FAM168B: variants seen among roughly 807,000 people sequenced by gnomAD.
The protein encoded by FAM168B is family with sequence similarity 168 member B.
Under a neutral mutation model 21.8 loss-of-function variants are expected in FAM168B, and 19 were observed. That is an observed-to-expected ratio of 0.87 (90% confidence interval 0.61 to 1.28). The LOEUF (loss-of-function observed/expected upper bound fraction) is 1.28, where lower values mean the gene tolerates loss of function less well. Ranked by LOEUF, FAM168B falls within the 50% of genes most tolerant of loss-of-function variation. The pLI is 0.00. For synonymous variants in FAM168B, 126 were observed against 104.8 expected, an observed-to-expected ratio of 1.20 and a Z score of -1.24; for missense variants, 233 against 263.1, an observed-to-expected ratio of 0.89 and a Z score of 0.79.
At chr2:131,070,786 A>G (rs190655069) in intron 3 of FAM168B, among the ~76,000 whole-genome samples, 1 of 152,352 alleles carries the variant, frequency 6.6e-6, no homozygotes, top group African/African-American at 2.4e-5. Flanking sequence ...GGCAAAACAC[A>G]AAAGGAAAAC....
rs1691427949 is a variant in FAM168B at position 131,048,415 on chromosome 2, G to A, written c.*4050C>T. 1.6e-6 allele frequency: 2 copies of A among 1,244,748 alleles called. No individual in the cohort carries two copies. Among genetic ancestry groups the A allele is most frequent in the Non-Finnish European group, 2.1e-6 (2 of 954,210 alleles). 77.1% of individuals were successfully genotyped at this position (1,244,748 alleles called of 1,614,324 possible). ...CACCCTTCTGCAGGCCCGGGGGGGGGTCCCTACACAGACGCCGCTCATCCT... is the reference window on the plus strand; with the variant it reads ...CACCCTTCTGCAGGCCCGGGGGGGGATCCCTACACAGACGCCGCTCATCCT... On this transcript the variant is annotated 3_prime_UTR_variant, in exon 7 of 7. Coordinates refer to ENST00000389915, the MANE Select transcript of FAM168B (RefSeq NM_001009993.4).
In FAM168B at chr2:131,053,029, C is replaced by G. The variant is rs373493888; in HGVS notation, c.476-14G>C. ...TCAGCAGGGTACCTGGAAGAAAGAG[C>G]AGCACATGACATGAGGCTGACCTCC... On this transcript the variant is annotated splice_polypyrimidine_tract_variant and intron_variant, in intron 5 of 6. Coordinates refer to ENST00000389915, the MANE Select transcript of FAM168B (RefSeq NM_001009993.4). 6.5e-7 allele frequency: 1 copy of G among 1,544,554 alleles called. No individual in the cohort carries two copies. The highest frequency in any genetic ancestry group is 2.0e-5 in the Admixed American group (1 of 49,308).
At chr2:131,091,003 T>G (rs1693989729) in intron 1 of FAM168B, among the ~76,000 whole-genome samples, 1 of 152,218 alleles carries the variant, frequency 6.6e-6, no homozygotes, top group African/African-American at 2.4e-5. Context: ...GTGCAGGCAT[T>G]ACAGGCGTGA....
At chr2:131,086,204 A>T (rs1693692025) in intron 1 of FAM168B, among the ~76,000 whole-genome samples, 1 of 152,212 alleles carries the variant, frequency 6.6e-6, no homozygotes, top group Non-Finnish European at 1.5e-5. Context: ...TCTCTGGTTC[A>T]ACTATCATCT....
chr2:131,092,902 G>A (rs1045547656), intron 1 of FAM168B, among the ~76,000 whole-genome samples: 2 of 152,140 alleles, frequency 1.3e-5, no homozygotes, highest in African/African-American at 4.8e-5. Flanking sequence ...TCTGCCCCCG[G>A]GTTTCACGCT....
At chr2:131,058,146 T>C (rs1044370175) in intron 3 of FAM168B, among the ~76,000 whole-genome samples, 3 of 152,178 alleles carry the variant, frequency 2.0e-5, no homozygotes, top group Admixed American at 6.5e-5. Flanking sequence ...CTGGTCCATA[T>C]ATTTTGTTTT....
chr2:131,077,129 C>A lies in FAM168B; in HGVS notation c.71-5191G>T, dbSNP rs916309015. Among the ~76,000 whole-genome samples the A allele has an allele frequency of 4.6e-5, 7 of 150,694 alleles. No homozygotes were observed. In the East Asian group the frequency reaches 1.4e-3, roughly 29 times the overall value. On this transcript the variant is annotated intron_variant, in intron 2 of 6. Coordinates refer to ENST00000389915, the MANE Select transcript of FAM168B (RefSeq NM_001009993.4). The stretch of plus-strand genomic sequence containing the variant: ...TTACTAAAATAGCACACACTTCAAA[C>A]AACTCCAATGCCCATCACAAGGAAA...
chr2:131,060,893 C>T (rs1361799377), intron 3 of FAM168B, among the ~76,000 whole-genome samples: 1 of 151,970 alleles, frequency 6.6e-6, no homozygotes, highest in Non-Finnish European at 1.5e-5. Context: ...GCTCAGTTGC[C>T]TAGGCTGGAG....
intron 1 of FAM168B, among the ~76,000 whole-genome samples, chr2:131,088,447 A>G (rs1004911001): frequency 5.9e-5 from 9 of 152,166 alleles, no homozygotes; most frequent in Admixed American, 5.2e-4. Context: ...GGAAGGCCAG[A>G]TAATTCTAAA....
intron 3 of FAM168B, among the ~76,000 whole-genome samples, chr2:131,057,947 C>G (rs1015447487): frequency 6.6e-6 from 1 of 152,070 alleles, no homozygotes; most frequent in African/African-American, 2.4e-5. Flanking sequence ...TCTCATGCCC[C>G]AGCCACCCGA....
chr2:131,056,722 T>C (rs1692041733), intron 3 of FAM168B, among the ~76,000 whole-genome samples: 2 of 152,102 alleles, frequency 1.3e-5, no homozygotes, highest in South Asian at 4.1e-4. Context: ...GGTGCATCCA[T>C]ACAAATCCTA....
At chr2:131,064,713 TCAGG>T (rs536260487) in intron 3 of FAM168B, among the ~76,000 whole-genome samples, 7 of 151,948 alleles carry the variant, frequency 4.6e-5, no homozygotes, top group Non-Finnish European at 1.0e-4. Context: ...AGAAAAGAAC[TCAGG>T]CAGAAGGGAA....
chr2:131,080,114 T>C (rs1001837218), intron 2 of FAM168B, among the ~76,000 whole-genome samples: 1 of 149,716 alleles, frequency 6.7e-6, no homozygotes, highest in Non-Finnish European at 1.5e-5. Flanking sequence ...TGAAACTCTG[T>C]CTCAGAAAAA....
intron 2 of FAM168B, among the ~76,000 whole-genome samples, chr2:131,078,468 A>G (rs960821280): frequency 1.3e-5 from 2 of 152,232 alleles, no homozygotes; most frequent in South Asian, 4.1e-4. Flanking sequence ...ACACTTATAG[A>G]TGGAGTTCCA....
rs544906238 is a variant in FAM168B, at chr2:131,072,990, C to T, written c.71-1052G>A. ...AAAGGTCACTCATTTTCACTGAATT[C>T]CGACATTTCCTACATTACATATTTT... On this transcript the variant is annotated intron_variant, in intron 2 of 6. Transcript: ENST00000389915. Among the ~76,000 whole-genome samples the T allele has an allele frequency of 3.9e-5, 6 of 152,310 alleles. No homozygotes were observed. The East Asian group carries it at 1.2e-3, about 29-fold the overall frequency.
intron 5 of FAM168B, 118 bp downstream of exon 5, chr2:131,055,154 C>T: frequency 9.7e-7 from 1 of 1,031,098 alleles, no homozygotes; most frequent in Non-Finnish European, 1.3e-6. Flanking sequence ...ATTTTCTGTC[C>T]TTCCACACAA....
In FAM168B at chr2:131,050,665, T is replaced by A. The variant is rs1212437745; in HGVS notation, c.*1800A>T. The A allele has an allele frequency of 1.0e-6, 1 of 984,960 alleles. No individual in the cohort carries two copies. The highest frequency in any genetic ancestry group is 1.7e-5 in the African/African-American group (1 of 57,334). 61.0% of individuals were successfully genotyped at this position (984,960 alleles called of 1,614,324 possible). On this transcript the variant is annotated 3_prime_UTR_variant, in exon 7 of 7. Transcript: ENST00000389915. ...TAAAATAAGATGTGAAAAAGAAAATTATAAGAAGTACTTACTATAAAAAAT... is the reference window on the plus strand; with the variant it reads ...TAAAATAAGATGTGAAAAAGAAAATAATAAGAAGTACTTACTATAAAAAAT...
At position 131,049,178 on chromosome 2, in the gene FAM168B, T is replaced by C. The variant is rs1459009990; in HGVS notation, c.*3287A>G. ...ATAATGTATTTCCTCTCGTTACTGTTGTGTCCCCCAAGACACATGCAAATT... is the reference window on the plus strand; with the variant it reads ...ATAATGTATTTCCTCTCGTTACTGTCGTGTCCCCCAAGACACATGCAAATT... On this transcript the variant is annotated 3_prime_UTR_variant, in exon 7 of 7. Transcript: ENST00000389915. 2.0e-6 allele frequency: 2 copies of C among 985,330 alleles called. No homozygotes were observed. The highest frequency in any genetic ancestry group is 1.7e-5 in the African/African-American group (1 of 57,238). The allele number at this position is 985,330 out of a possible 1,614,324, so 61.0% of individuals were successfully genotyped here.
intron 3 of FAM168B, among the ~76,000 whole-genome samples, chr2:131,061,781 C>G (rs1186792708): frequency 7.7e-6 from 1 of 130,304 alleles, no homozygotes; most frequent in African/African-American, 3.2e-5. Context: ...GACCCTGTCT[C>G]GAAAAAAAAA....
Sources: allele counts gnomAD v4.1 joint callset (sites outside exome capture counted in the v4.1 genomes callset), GRCh38; gene constraint gnomAD v4.1.1; transcripts MANE v1.5; gene names NCBI Gene and HGNC (gene_info 2026-07-23, HGNC 2026-07-21).